Variants in RHOA observed in about 807,000 individuals in gnomAD.
RHOA encodes transforming protein RhoA.
A neutral mutation model predicts 17.5 loss-of-function variants in RHOA; 3 were observed. That is an observed-to-expected ratio of 0.17 (90% CI 0.08 to 0.44). The LOEUF is 0.44. RHOA is among the 20% of genes least tolerant of loss of function. The probability of loss-of-function intolerance (pLI) is 0.99; values close to 1 mark genes in which losing one functional copy is unlikely to be tolerated. For synonymous variants in RHOA, 98 were observed against 88.4 expected (o/e 1.11, Z -0.61); for missense variants, 56 against 242.3 (o/e 0.23, Z 5.10).
chr3:49,407,115 C>T (rs1301849120), intron 1 of RHOA, among the ~76,000 whole-genome samples: 3 of 152,052 alleles, frequency 2.0e-5, no homozygotes, highest in South Asian at 2.1e-4. Flanking sequence ...CACTGCACTC[C>T]AGCCTGGGTG....
chr3:49,367,342 CAAAAAAAAA>C (rs62926260), intron 3 of RHOA, among the ~76,000 whole-genome samples: 3,173 of 80,590 alleles, frequency 0.039, 100 homozygotes, highest in Admixed American at 0.063. Context: ...GACTCCCTCT[CAAAAAAAAA>C]AAAAAAAAAA....
chr3:49,406,911 T>TGGGTCACG (rs1426101490), intron 1 of RHOA: 2 of 152,010 alleles, frequency 1.3e-5, no homozygotes, highest in Non-Finnish European at 2.9e-5. Context: ...CCAAGGTGGG[T>TGGGTCACG]GGGTCACGGG....
At chr3:49,363,994 G>A (rs2048013713) in intron 3 of RHOA, among the ~76,000 whole-genome samples, 1 of 151,884 alleles carries the variant, frequency 6.6e-6, no homozygotes, top group African/African-American at 2.4e-5. Flanking sequence ...GTAGCAGTGA[G>A]CTATGATCAC....
intron 2 of RHOA, among the ~76,000 whole-genome samples, chr3:49,374,021 A>T (rs899178920): frequency 2.0e-5 from 3 of 152,142 alleles, no homozygotes; most frequent in Admixed American, 2.0e-4. Context: ...CAATAAAATA[A>T]AACAACTGTG....
chr3:49,401,701 G>T (rs1270155823), intron 1 of RHOA, among the ~76,000 whole-genome samples: 1 of 152,110 alleles, frequency 6.6e-6, no homozygotes, highest in Non-Finnish European at 1.5e-5. Flanking sequence ...GCCTGGTATA[G>T]GTTGAGTACT....
chr3:49,391,673 G>A (rs753484258), intron 1 of RHOA, among the ~76,000 whole-genome samples: 17 of 151,950 alleles, frequency 1.1e-4, no homozygotes, highest in Non-Finnish European at 2.2e-4. Flanking sequence ...CACCATGCCC[G>A]GGTAATTTTG....
chr3:49,371,668 T>G (rs868651656), intron 2 of RHOA, among the ~76,000 whole-genome samples: 1 of 152,190 alleles, frequency 6.6e-6, no homozygotes, highest in African/African-American at 2.4e-5. Flanking sequence ...GGCAGGCAGG[T>G]AGCCTGTAAT....
intron 3 of RHOA, among the ~76,000 whole-genome samples, chr3:49,364,474 A>G (rs2048022709): frequency 6.6e-6 from 1 of 151,428 alleles, no homozygotes. Context: ...AACAAGAGCG[A>G]AACTCCGTCT....
intron 1 of RHOA, among the ~76,000 whole-genome samples, chr3:49,402,450 C>T (rs1390376991): frequency 2.0e-5 from 3 of 152,008 alleles, no homozygotes; most frequent in African/African-American, 2.4e-5. Context: ...CACCACTTTG[C>T]GAGGCCAGAG....
At chr3:49,400,500 C>T (rs557502345) in intron 1 of RHOA, among the ~76,000 whole-genome samples, 4 of 152,248 alleles carry the variant, frequency 2.6e-5, no homozygotes, top group South Asian at 2.1e-4. Flanking sequence ...TACAGCACTT[C>T]GTCTTTCAGT....
At chr3:49,381,400 C>T (rs1201879782) in intron 1 of RHOA, among the ~76,000 whole-genome samples, 3 of 137,514 alleles carry the variant, frequency 2.2e-5, no homozygotes, top group South Asian at 2.4e-4. Context: ...AGAAAAACCC[C>T]GTCTCAAAAA....
At chr3:49,382,989 G>A (rs1256443407) in intron 1 of RHOA, among the ~76,000 whole-genome samples, 2 of 152,008 alleles carry the variant, frequency 1.3e-5, no homozygotes, top group Non-Finnish European at 1.5e-5. Flanking sequence ...AGGAGGCAAA[G>A]GTTGCAGTGA....
At chr3:49,381,297 C>T (rs796323395) in intron 1 of RHOA, among the ~76,000 whole-genome samples, 4 of 151,314 alleles carry the variant, frequency 2.6e-5, no homozygotes, top group African/African-American at 4.9e-5. Context: ...CCCGGCTACT[C>T]GAGAGGCTGA....
chr3:49,394,476 G>A (rs1158725821), intron 1 of RHOA, among the ~76,000 whole-genome samples: 1 of 152,126 alleles, frequency 6.6e-6, no homozygotes, highest in Non-Finnish European at 1.5e-5. Context: ...TCAGCCTCAT[G>A]AGTAACTAGA....
At chr3:49,387,825 G>T (rs1393589501) in intron 1 of RHOA, among the ~76,000 whole-genome samples, 1 of 151,432 alleles carries the variant, frequency 6.6e-6, no homozygotes, top group African/African-American at 2.4e-5. Context: ...TTTTAGATGT[G>T]TGTATCTTTT....
chr3:49,395,629 C>G (rs1306687923), intron 1 of RHOA, among the ~76,000 whole-genome samples: 3 of 151,942 alleles, frequency 2.0e-5, no homozygotes, highest in Non-Finnish European at 2.9e-5. Context: ...AGGAGAATCG[C>G]TTGAACCCAG....
At position 49,380,292 on chromosome 3, in the gene RHOA, C is replaced by G. The variant is rs574986741; in HGVS notation, c.-2-4701G>C. On this transcript the variant is annotated intron_variant, in intron 1 of 4. Transcript: ENST00000418115. ...GATCTCAGGTGATCTTGGGAGCCAC[C>G]ATCTCAGCCCCAAGACTGCCTACCT... is the stretch of plus-strand genomic sequence containing the variant. Among the ~76,000 whole-genome samples, 6 of 152,282 alleles carry G rather than the reference C, an allele frequency of 3.9e-5. 1 individual carries two copies. In the South Asian group the frequency reaches 1.2e-3, roughly 32 times the overall value.
chr3:49,380,712 AT>A (rs1262830584), intron 1 of RHOA, among the ~76,000 whole-genome samples: 31 of 146,876 alleles, frequency 2.1e-4, no homozygotes, highest in Admixed American at 8.9e-4. Context: ...AATAATAATA[AT>A]AATAATAAAT....
chr3:49,378,049 T>G (rs945059199), intron 1 of RHOA, among the ~76,000 whole-genome samples: 1 of 150,878 alleles, frequency 6.6e-6, no homozygotes, highest in Non-Finnish European at 1.5e-5. Flanking sequence ...CTCGGGAGAC[T>G]GAGGCAGGAG....
Sources: gnomAD v4.1 joint callset for allele counts (sites outside exome capture counted in the v4.1 genomes callset) on GRCh38, gnomAD v4.1.1 for gene constraint, MANE v1.5 for transcripts, NCBI Gene and HGNC (gene_info 2026-07-23, HGNC 2026-07-21) for gene names.